Variants in LUZP2 observed in about 807,000 individuals in gnomAD.
LUZP2 encodes the protein leucine zipper protein 2.
In LUZP2, 52 loss-of-function variants were observed where a neutral mutation model predicts 51.6. The observed-to-expected ratio is 1.01, with a 90% CI of 0.81 to 1.27. The LOEUF is 1.27. Among genes scored for constraint, LUZP2 ranks in the 50% most tolerant of loss-of-function variants. The pLI, the probability that LUZP2 is intolerant of heterozygous loss-of-function variation, is 0.00. For synonymous variants in LUZP2, 154 were observed against 137.3 expected, an observed-to-expected ratio of 1.12 and a Z score of -0.85; for missense variants, 436 against 395.4, an observed-to-expected ratio of 1.10 and a Z score of -0.87.
At chr11:25,007,086 T>C (rs2133952028) in intron 9 of LUZP2, among the ~76,000 whole-genome samples, 1 of 152,308 alleles carries the variant, frequency 6.6e-6, no homozygotes, top group African/African-American at 2.4e-5. Context: ...GAGCAATGAT[T>C]GGTGCATTTT....
At chr11:24,795,424 G>A (rs1204539777) in intron 5 of LUZP2, among the ~76,000 whole-genome samples, 2 of 152,038 alleles carry the variant, frequency 1.3e-5, no homozygotes, top group Non-Finnish European at 2.9e-5. Flanking sequence ...AAGAAGAAAA[G>A]GAAAATAGCA....
At chr11:24,959,615 T>A (rs989084699) in intron 7 of LUZP2, among the ~76,000 whole-genome samples, 4 of 152,200 alleles carry the variant, frequency 2.6e-5, no homozygotes, top group African/African-American at 9.7e-5. Context: ...TCCTGAGACT[T>A]TGCTGAAGTT....
rs1192983081 is a variant in LUZP2 at position 25,081,696 on chromosome 11, T to C, written c.*3038T>C. ...ACGTTGTTTTAAAGGAATTAACACT[T>C]AAATCCCAACCATCCTCATATAGAA... is the stretch of plus-strand genomic sequence containing the variant. On this transcript the variant is annotated 3_prime_UTR_variant, in exon 12 of 12. Coordinates refer to ENST00000336930, the MANE Select transcript of LUZP2 (RefSeq NM_001009909.4). 1.3e-5 allele frequency: 2 copies of C among 152,154 alleles called. No homozygotes were observed. Among genetic ancestry groups the C allele is most frequent in the Non-Finnish European group, 2.9e-5 (2 of 68,014 alleles). The allele number at this position is 152,154 out of a possible 1,614,324, so 9.4% of individuals were successfully genotyped here.
chr11:24,722,077 C>A (rs1335337387), intron 1 of LUZP2, among the ~76,000 whole-genome samples: 1 of 151,990 alleles, frequency 6.6e-6, no homozygotes, highest in African/African-American at 2.4e-5. Context: ...AATACAATTC[C>A]AGGTTGTTTG....
chr11:24,846,140 G>GA (rs958468627), intron 5 of LUZP2, among the ~76,000 whole-genome samples: 171 of 135,320 alleles, frequency 1.3e-3, no homozygotes, highest in Middle Eastern at 3.8e-3. Flanking sequence ...GGATACAAAA[G>GA]AAAAAAAAAA....
intron 1 of LUZP2, among the ~76,000 whole-genome samples, chr11:24,546,541 G>C (rs532795030): frequency 6.6e-6 from 1 of 152,106 alleles, no homozygotes; most frequent in South Asian, 2.1e-4. Flanking sequence ...TGTGGGTATT[G>C]TTTTTAATTC....
intron 5 of LUZP2, among the ~76,000 whole-genome samples, chr11:24,899,567 C>G (rs1425361510): frequency 6.6e-6 from 1 of 151,900 alleles, no homozygotes; most frequent in Non-Finnish European, 1.5e-5. Flanking sequence ...TAAAAATGCA[C>G]TTTATATACA....
At chr11:24,686,223 C>CAAAA (rs56907734) in intron 1 of LUZP2, among the ~76,000 whole-genome samples, 3 of 148,364 alleles carry the variant, frequency 2.0e-5, no homozygotes, top group Non-Finnish European at 3.0e-5. Flanking sequence ...GTGAACTCTG[C>CAAAA]AAAAAAAAAA....
At chr11:24,794,966 A>T (rs1239297611) in intron 5 of LUZP2, among the ~76,000 whole-genome samples, 1 of 152,086 alleles carries the variant, frequency 6.6e-6, no homozygotes, top group East Asian at 1.9e-4. Flanking sequence ...TTGGTTATTT[A>T]TTTGTGTTGA....
intron 6 of LUZP2, among the ~76,000 whole-genome samples, chr11:24,913,549 A>C (rs530317778): frequency 1.3e-5 from 2 of 152,072 alleles, no homozygotes; most frequent in Non-Finnish European, 2.9e-5. Flanking sequence ...TGCAATGTAC[A>C]TATGTTTAAT....
At chr11:25,038,231 T>G (rs2134002098) in intron 9 of LUZP2, among the ~76,000 whole-genome samples, 1 of 152,302 alleles carries the variant, frequency 6.6e-6, no homozygotes, top group Non-Finnish European at 1.5e-5. Flanking sequence ...TTTTTCTGTC[T>G]GACATAATTT....
chr11:24,563,150 A>G (rs377119469), intron 1 of LUZP2, among the ~76,000 whole-genome samples: 5 of 152,222 alleles, frequency 3.3e-5, no homozygotes. Flanking sequence ...GGCATTCGGA[A>G]GCTACGAACA....
chr11:24,696,378 T>C (rs1463465566), intron 1 of LUZP2, among the ~76,000 whole-genome samples: 1 of 152,154 alleles, frequency 6.6e-6, no homozygotes, highest in Non-Finnish European at 1.5e-5. Flanking sequence ...ATTTTTCTCC[T>C]TTATAGCTTA....
intron 9 of LUZP2, among the ~76,000 whole-genome samples, chr11:24,986,665 A>T (rs1856197746): frequency 6.6e-6 from 1 of 151,668 alleles, no homozygotes; most frequent in Admixed American, 6.6e-5. Context: ...GATGCACAGT[A>T]GTGCTCAGAA....
chr11:24,502,164 T>C (rs1391313151), intron 1 of LUZP2, among the ~76,000 whole-genome samples: 1 of 152,146 alleles, frequency 6.6e-6, no homozygotes. Context: ...GTACAGTTAT[T>C]ATGGTATTAT....
At chr11:24,950,786 G>A (rs1326325620) in intron 7 of LUZP2, among the ~76,000 whole-genome samples, 1 of 151,450 alleles carries the variant, frequency 6.6e-6, no homozygotes, top group East Asian at 1.9e-4. Flanking sequence ...CTTTGACATA[G>A]TGAAATATTT....
At chr11:24,834,521 T>C (rs1373139467) in intron 5 of LUZP2, among the ~76,000 whole-genome samples, 5 of 152,252 alleles carry the variant, frequency 3.3e-5, no homozygotes, top group Non-Finnish European at 5.9e-5. Context: ...TGGTTTGAAG[T>C]CTTTGCTATT....
At chr11:24,787,545 C>G (rs1321069887) in intron 5 of LUZP2, among the ~76,000 whole-genome samples, 1 of 152,044 alleles carries the variant, frequency 6.6e-6, no homozygotes, top group East Asian at 1.9e-4. Context: ...CCTAGTAAAG[C>G]AATCAGCAGA....
In LUZP2 at chr11:24,672,530, G is replaced by A. The variant is rs138178853; in HGVS notation, c.63-56639G>A. Among the ~76,000 whole-genome samples the A allele has an allele frequency of 6.8e-4, 104 of 151,978 alleles. 2 individuals are homozygous for A. In the South Asian group the frequency reaches 0.013, roughly 20 times the overall value. On this transcript the variant is annotated intron_variant, in intron 1 of 11. Transcript: ENST00000336930. ...GAGATAAGTCTCCTTAAGATGAAGC[G>A]CATTCTCCAAGATTCCATTGAAAAC...
Sources: allele counts gnomAD v4.1 joint callset (sites outside exome capture counted in the v4.1 genomes callset), GRCh38; gene constraint gnomAD v4.1.1; transcripts MANE v1.5; gene names NCBI Gene and HGNC (gene_info 2026-07-23, HGNC 2026-07-21).